Variants in NCAN observed in about 807,000 individuals in gnomAD.
The protein encoded by NCAN is neurocan, also known as neurocan core protein.
A neutral mutation model predicts 121.8 loss-of-function variants in NCAN; 47 were observed. That is an observed-to-expected ratio of 0.39 (90% CI 0.31 to 0.49). The LOEUF (loss-of-function observed/expected upper bound fraction) is 0.49. NCAN is among the 20% of genes least tolerant of loss of function. NCAN has a pLI of 0.92. For synonymous variants in NCAN, 633 were observed against 702.0 expected (o/e 0.90, Z 1.55); for missense variants, 1,517 against 1,773.4 (o/e 0.86, Z 2.60).
chr19:19,213,389 G>A (rs1314711617), intron 1 of NCAN, among the ~76,000 whole-genome samples: 3 of 151,526 alleles, frequency 2.0e-5, no homozygotes, highest in Non-Finnish European at 4.4e-5. Flanking sequence ...CAAAATGATG[G>A]GTGTCCATCG....
chr19:19,233,884 G>A lies in NCAN; in HGVS notation c.3115G>A (p.Ala1039Thr), dbSNP rs146011974. The A allele has an allele frequency of 8.9e-5, 143 of 1,612,380 alleles. No individual in the cohort carries two copies. In the African/African-American group the frequency reaches 1.0e-3, roughly 12 times the overall value. ...TGGCTGTAGCTGTGATCAGGGCTTC[G>A]CCGGGGAGAACTGTGAGATTGGTGA... The part of the protein sequence containing the change: ...MYGCSCDQGF[A>T]GENCEIDIDD... Residue 1039 changes from alanine to threonine, a missense_variant, in exon 9 of 15, where the codon GCC becomes ACC. Physicochemically the swap from Ala to Thr is moderately conservative, Grantham distance 58. Coordinates refer to ENST00000252575, the MANE Select transcript of NCAN (RefSeq NM_004386.3).
chr19:19,238,816 A>G lies in NCAN; in HGVS notation c.3409+405A>G, dbSNP rs1442489492. ...TCAACAGATCCTATGTGTGCTGATA[A>G]CAAAACAGGGCCAGGAGATGGAGGG... On this transcript the variant is annotated intron_variant, in intron 11 of 14. Transcript: ENST00000252575. 2.4e-5 allele frequency: 7 copies of G among 296,910 alleles called. No homozygotes were observed. The Admixed American group carries it at 2.7e-4, about 12-fold the overall frequency. The allele number at this position is 296,910 out of a possible 1,614,324, so 18.4% of individuals were successfully genotyped here. A position where few individuals can be genotyped will look rare whatever the true frequency, so the allele number is the denominator to read the frequency against.
intron 13 of NCAN, among the ~76,000 whole-genome samples, chr19:19,246,024 T>C (rs983109667): frequency 6.6e-6 from 1 of 152,038 alleles, no homozygotes; most frequent in Non-Finnish European, 1.5e-5. Context: ...TTTTAATTTA[T>C]TCTTATTTTG....
chr19:19,247,784 G>A lies in NCAN; in HGVS notation c.3638-916G>A, dbSNP rs192711688. Among the ~76,000 whole-genome samples, 111 of 152,250 alleles carry A rather than the reference G, an allele frequency of 7.3e-4. 1 individual carries two copies. Among genetic ancestry groups the A allele is most frequent in the African/African-American group, 2.4e-3 (99 of 41,538 alleles). ...AAGAATTAGAAAGTGAGGTGTGTCC[G>A]GGAGGTTGCTGTCCCTAAGGAGCTG... On this transcript the variant is annotated intron_variant, in intron 13 of 14. Coordinates refer to ENST00000252575, the MANE Select transcript of NCAN (RefSeq NM_004386.3).
intron 3 of NCAN, among the ~76,000 whole-genome samples, chr19:19,221,230 G>A (rs2060815627): frequency 6.8e-6 from 1 of 147,414 alleles, no homozygotes; most frequent in Non-Finnish European, 1.5e-5. Context: ...AACACAGCAA[G>A]ACCCTGTCTC....
rs988528981 is a variant in NCAN, at chr19:19,223,181, C to T, written c.476-840C>T. Among the ~76,000 whole-genome samples the T allele has an allele frequency of 3.9e-5, 6 of 151,904 alleles. No individual in the cohort carries two copies. In the East Asian group the frequency reaches 9.6e-4, roughly 24 times the overall value. ...TAAAAAAGAACCACATTTGGTCTCC[C>T]ATTGCTGCCTGTGCTTCCCTATTAG... On this transcript the variant is annotated intron_variant, in intron 3 of 14. Coordinates refer to ENST00000252575, the MANE Select transcript of NCAN (RefSeq NM_004386.3).
Position 19,249,882 on chromosome 19 carries a change from T to G in NCAN, c.3937T>G (p.Trp1313Gly), listed in dbSNP as rs2060940440. ...RKHKKHPTED[W>G]EKDEGNFC is the part of the protein sequence containing the mutation. ...ACACAAGAAACACCCAACGGAGGAC[T>G]GGGAGAAGGACGAAGGGAATTTCTG... The change falls in exon 15 of 15, where the codon TGG (tryptophan) becomes GGG (glycine). Residue 1313 changes from tryptophan (W) to glycine (G), a missense_variant. Physicochemically the swap from Trp to Gly is radical, Grantham distance 184. Coordinates refer to ENST00000252575, the MANE Select transcript of NCAN (RefSeq NM_004386.3). 6.2e-7 allele frequency: 1 copy of G among 1,613,802 alleles called. No individual in the cohort carries two copies. The highest frequency in any genetic ancestry group is 8.5e-7 in the Non-Finnish European group (1 of 1,179,970).
chr19:19,215,420 G>A (rs1263563371), intron 1 of NCAN, among the ~76,000 whole-genome samples: 1 of 152,198 alleles, frequency 6.6e-6, no homozygotes. Flanking sequence ...CTGGAACAAT[G>A]TGAAGTCAGG....
chr19:19,238,274 G>C lies in NCAN; in HGVS notation c.3272G>C (p.Gly1091Ala), dbSNP rs368696340. The change falls in exon 11 of 15, where the codon GGC becomes GCC. Residue 1091 changes from glycine (G) to alanine (A), a missense_variant. Physicochemically the swap from Gly to Ala is moderately conservative, Grantham distance 60. Coordinates refer to ENST00000252575, the MANE Select transcript of NCAN (RefSeq NM_004386.3). ...CEKDTEGCDR[G>A]WHKFQGHCYR... ...CCAGACACCGAGGGCTGTGACCGCG[G>C]CTGGCATAAGTTCCAGGGCCACTGT... 1.2e-6 allele frequency: 2 copies of C among 1,614,066 alleles called. No homozygotes were observed. The highest frequency in any genetic ancestry group is 2.2e-5 in the East Asian group (1 of 44,890).
chr19:19,239,572 C>T (rs1369284313), intron 11 of NCAN, among the ~76,000 whole-genome samples: 1 of 120,450 alleles, frequency 8.3e-6, no homozygotes, highest in Non-Finnish European at 1.8e-5. Context: ...CTCCATCCTC[C>T]CTCCCCTCCT....
intron 12 of NCAN, among the ~76,000 whole-genome samples, chr19:19,244,224 A>G (rs2060915381): frequency 6.6e-6 from 1 of 151,820 alleles, no homozygotes; most frequent in Non-Finnish European, 1.5e-5. Flanking sequence ...TTCCTCAAGC[A>G]GAACAAGTTC....
intron 1 of NCAN, among the ~76,000 whole-genome samples, chr19:19,215,250 C>T (rs2060792348): frequency 6.6e-6 from 1 of 152,204 alleles, no homozygotes; most frequent in South Asian, 2.1e-4. Flanking sequence ...GTTCACACCC[C>T]TTCCTCAGGG....
Position 19,250,131 on chromosome 19 carries a change from T to C in NCAN, c.*220T>C. The C allele has an allele frequency of 1.5e-6, 1 of 688,594 alleles. No individual in the cohort carries two copies. The highest frequency in any genetic ancestry group is 2.6e-6 in the Non-Finnish European group (1 of 379,082). The allele number at this position is 688,594 out of a possible 1,614,324, so 42.7% of individuals were successfully genotyped here. On this transcript the variant is annotated 3_prime_UTR_variant, in exon 15 of 15. Coordinates refer to ENST00000252575, the MANE Select transcript of NCAN (RefSeq NM_004386.3). ...GGAGCCAGGTGTCTGAAAAGTTCAT[T>C]CTCGTCTGGCTGAACTCTGGGAGTG...
At chr19:19,217,060 T>C in intron 2 of NCAN, 34 bp downstream of exon 2, 1 of 1,301,860 alleles carries the variant, frequency 7.7e-7, no homozygotes, top group South Asian at 3.2e-5. Flanking sequence ...GAGATTGGGG[T>C]CTAGGGGATG....
In NCAN at chr19:19,245,367, G is replaced by T. The variant is rs1229752560; in HGVS notation, c.3547G>T (p.Asp1183Tyr). 3 of 1,614,254 alleles carry T rather than the reference G, an allele frequency of 1.9e-6. No homozygotes were observed. The South Asian group carries it at 3.3e-5, about 18-fold the overall frequency. The change falls in exon 13 of 15, where the codon GAC (aspartate) becomes TAC (tyrosine). Residue 1183 changes from aspartate (D) to tyrosine (Y), a missense_variant. Transcript: ENST00000252575. ...QPDNFFAGGE[D>Y]CVVMVAHESG... ...GGACAATTTCTTCGCGGGTGGCGAG[G>T]ACTGTGTGGTGATGGTGGCGCATGA... is the stretch of plus-strand genomic sequence containing the variant.
At position 19,226,511 on chromosome 19, in the gene NCAN, A is replaced by T. The variant is rs1199271982; in HGVS notation, c.1098A>T (p.Gly366=). Reference sequence around the variant, plus strand: ...CTCATCACCCCACGTCACAACATGGAGACCTAGAGACCCCATCCTCTGGGG... The same window carrying T: ...CTCATCACCCCACGTCACAACATGGTGACCTAGAGACCCCATCCTCTGGGG... ...FRAHHPTSQH[G]DLETPSSGDE... The change falls in exon 7 of 15, where the codon GGA becomes GGT. Residue 366 remains glycine, a synonymous_variant. Coordinates refer to ENST00000252575, the MANE Select transcript of NCAN (RefSeq NM_004386.3). 6.3e-7 allele frequency: 1 copy of T among 1,596,260 alleles called. No individual in the cohort carries two copies. The highest frequency in any genetic ancestry group is 1.1e-5 in the South Asian group (1 of 90,484).
At chr19:19,236,763 T>G (rs1306233262) in intron 10 of NCAN, among the ~76,000 whole-genome samples, 2 of 151,220 alleles carry the variant, frequency 1.3e-5, no homozygotes, top group African/African-American at 4.9e-5. Flanking sequence ...GTTCTCACTC[T>G]GTGCCCAGGC....
At chr19:19,238,749 A>G in intron 11 of NCAN, 1 of 382,184 alleles carries the variant, frequency 2.6e-6, no homozygotes, top group Non-Finnish European at 5.0e-6. Context: ...GAGGATATAG[A>G]CAAACAAGTA....
rs1481526905 is a variant in NCAN, at chr19:19,225,344, C to G, written c.1072+74C>G. On this transcript the variant is annotated intron_variant, in intron 6 of 14. Transcript: ENST00000252575. The surrounding 1 kb of genome is among the most constrained non-coding windows in gnomAD (Gnocchi z 4.0). ...AAGGCCACGTCCCTGAAAGCCTCGC[C>G]AAGCCAAGGGAGAGACACATGGAAG... is the stretch of plus-strand genomic sequence containing the variant. The G allele has an allele frequency of 7.0e-7, 1 of 1,424,714 alleles. No homozygotes were observed. The highest frequency in any genetic ancestry group is 2.8e-5 in the East Asian group (1 of 35,644). The allele number at this position is 1,424,714 out of a possible 1,614,324, so 88.3% of individuals were successfully genotyped here.
Sources: allele counts gnomAD v4.1 joint callset (sites outside exome capture counted in the v4.1 genomes callset), GRCh38; gene constraint gnomAD v4.1.1; non-coding constraint Gnocchi (gnomAD v3.1); transcripts MANE v1.5; gene names NCBI Gene and HGNC (gene_info 2026-07-23, HGNC 2026-07-21).